The following ACADSB variants were observed in gnomAD, a reference collection of about 807,000 sequenced individuals.
ACADSB encodes the protein short/branched chain specific acyl-CoA dehydrogenase, mitochondrial.
Under a neutral mutation model 54.1 loss-of-function variants are expected in ACADSB, and 40 were observed. The ratio of observed to expected loss-of-function variants is 0.74; its 90% CI spans 0.57 to 0.96. The LOEUF (loss-of-function observed/expected upper bound fraction) is 0.96. ACADSB is among the 40% of genes least tolerant of loss of function. ACADSB has a pLI of 0.00. For missense variants in ACADSB, 530 were observed against 510.4 expected, an observed-to-expected ratio of 1.04 and a Z score of -0.37; for synonymous variants, 182 against 182.8, an observed-to-expected ratio of 1.00 and a Z score of 0.03.
At chr10:123,042,737 C>T (rs992445901) in intron 5 of ACADSB, among the ~76,000 whole-genome samples, 15 of 151,900 alleles carry the variant, frequency 9.9e-5, no homozygotes, top group African/African-American at 1.7e-4. Context: ...CATGAGCCAC[C>T]GCACCTGGCC....
intron 10 of ACADSB, 85 bp downstream of exon 10, chr10:123,053,245 C>G (rs1850657036): frequency 8.6e-7 from 1 of 1,164,742 alleles, no homozygotes; most frequent in African/African-American, 1.6e-5. Flanking sequence ...CGTTTTTTTC[C>G]TAGGTAAAAG....
At chr10:123,045,395 T>C (rs1356251892) in intron 7 of ACADSB, among the ~76,000 whole-genome samples, 2 of 151,308 alleles carry the variant, frequency 1.3e-5, no homozygotes, top group Admixed American at 1.3e-4. Context: ...TTAGCCAGGA[T>C]GGTCTCAATC....
At chr10:123,051,977 T>C (rs1294026839) in intron 9 of ACADSB, among the ~76,000 whole-genome samples, 1 of 152,162 alleles carries the variant, frequency 6.6e-6, no homozygotes, top group Non-Finnish European at 1.5e-5. Context: ...ATGGTGTGTT[T>C]GTCTCCCTCT....
chr10:123,020,099 A>G (rs993581774), intron 1 of ACADSB, among the ~76,000 whole-genome samples: 1 of 152,208 alleles, frequency 6.6e-6, no homozygotes, highest in Non-Finnish European at 1.5e-5. Context: ...TTTCCTATGC[A>G]TAATGAGCAA....
intron 1 of ACADSB, among the ~76,000 whole-genome samples, chr10:123,017,144 A>G (rs573103821): frequency 6.6e-6 from 1 of 152,318 alleles, no homozygotes; most frequent in Admixed American, 6.5e-5. Flanking sequence ...GGACCCAAGT[A>G]ATTATGTGAT....
Position 123,034,476 on chromosome 10 carries a change from C to A in ACADSB, c.163C>A (p.Gln55Lys). ...TAATGGAATACACTTTGCTCCCCTG[C>A]AAACATTTACAGATGAGGAAATGAT... The part of the protein sequence containing the change: ...TNNGIHFAPL[Q>K]TFTDEEMMIK... Residue 55 changes from glutamine (Q) to lysine (K), a missense_variant, in exon 2 of 11, where the codon CAA becomes AAA. Coordinates refer to ENST00000358776, the MANE Select transcript of ACADSB (RefSeq NM_001609.4). 1 of 1,611,908 alleles carries A rather than the reference C, an allele frequency of 6.2e-7. No individual in the cohort carries two copies. Among genetic ancestry groups the A allele is most frequent in the Non-Finnish European group, 8.5e-7 (1 of 1,179,896 alleles).
At chr10:123,012,180 G>A (rs971746187) in intron 1 of ACADSB, among the ~76,000 whole-genome samples, 5 of 152,198 alleles carry the variant, frequency 3.3e-5, no homozygotes, top group African/African-American at 9.7e-5. Context: ...TATCCTTGAC[G>A]TGAATTCTTG....
At chr10:123,011,630 G>A (rs9423307) in intron 1 of ACADSB, among the ~76,000 whole-genome samples, 13,857 of 151,380 alleles carry the variant, frequency 0.092, 692 homozygotes, top group Middle Eastern at 0.16. Flanking sequence ...GGATTCGAGC[G>A]ATTCTCCTGC....
intron 7 of ACADSB, 78 bp downstream of exon 7, chr10:123,044,563 T>G: frequency 8.9e-7 from 1 of 1,117,374 alleles, no homozygotes; most frequent in South Asian, 1.3e-5. Flanking sequence ...GACCAATGAA[T>G]ATTTGGAAGC....
At chr10:123,046,510 G>A (rs750034898) in intron 7 of ACADSB, among the ~76,000 whole-genome samples, 1 of 152,138 alleles carries the variant, frequency 6.6e-6, no homozygotes, top group East Asian at 1.9e-4. Flanking sequence ...TCTATCCATT[G>A]TTCTCAACCC....
At chr10:123,032,329 C>G (rs544490478) in intron 1 of ACADSB, among the ~76,000 whole-genome samples, 1 of 152,180 alleles carries the variant, frequency 6.6e-6, no homozygotes, top group South Asian at 2.1e-4. Context: ...GATATATTAA[C>G]TAACAGACAC....
chr10:123,040,864 T>C (rs1056395573), intron 4 of ACADSB, among the ~76,000 whole-genome samples, 192 bp downstream of exon 4: 5 of 152,218 alleles, frequency 3.3e-5, no homozygotes, highest in Admixed American at 1.3e-4. Context: ...AGTTGGAAAT[T>C]TAGAAAATAA....
intron 5 of ACADSB, among the ~76,000 whole-genome samples, chr10:123,042,695 G>A (rs1589742191): frequency 6.6e-6 from 1 of 151,700 alleles, no homozygotes; most frequent in African/African-American, 2.4e-5. Context: ...TAATCCGCCC[G>A]ACTCAGCCTC....
At chr10:123,045,996 T>G (rs1321644469) in intron 7 of ACADSB, among the ~76,000 whole-genome samples, 1 of 152,242 alleles carries the variant, frequency 6.6e-6, no homozygotes, top group Non-Finnish European at 1.5e-5. Flanking sequence ...TCAGTGTTTG[T>G]AGTAGAAACA....
At chr10:123,045,171 A>ATTTTTTT (rs1181095508) in intron 7 of ACADSB, among the ~76,000 whole-genome samples, 2 of 15,374 alleles carry the variant, frequency 1.3e-4, no homozygotes, top group Admixed American at 1.5e-3. Flanking sequence ...ATATATATAT[A>ATTTTTTT]TTTTTTTTTT....
chr10:123,045,470 G>A (rs781239923), intron 7 of ACADSB, among the ~76,000 whole-genome samples: 7 of 151,820 alleles, frequency 4.6e-5, no homozygotes, highest in African/African-American at 9.7e-5. Context: ...GTGAGCCACC[G>A]CGCCCGGCGT....
At chr10:123,019,560 T>C (rs1298303824) in intron 1 of ACADSB, among the ~76,000 whole-genome samples, 3 of 152,236 alleles carry the variant, frequency 2.0e-5, no homozygotes, top group Non-Finnish European at 4.4e-5. Context: ...TTGGTGATAG[T>C]TTTTTATCAG....
chr10:123,042,190 T>G (rs1470532948), intron 5 of ACADSB, among the ~76,000 whole-genome samples: 1 of 151,798 alleles, frequency 6.6e-6, no homozygotes, highest in Non-Finnish European at 1.5e-5. Flanking sequence ...GGTCTCAAAC[T>G]CCTGACGTCG....
intron 1 of ACADSB, among the ~76,000 whole-genome samples, chr10:123,020,902 C>T (rs1043053057): frequency 1.1e-4 from 16 of 152,170 alleles, no homozygotes; most frequent in African/African-American, 3.6e-4. Context: ...ACTCAGGAGG[C>T]TGAGGCAGGA....
Sources: allele counts gnomAD v4.1 joint callset (sites outside exome capture counted in the v4.1 genomes callset), GRCh38; gene constraint gnomAD v4.1.1; transcripts MANE v1.5; gene names NCBI Gene and HGNC (gene_info 2026-07-23, HGNC 2026-07-21).